The following MOXD1 variants were observed in gnomAD, a reference collection of about 807,000 sequenced individuals.
The protein encoded by MOXD1 is monooxygenase DBH like 1.
In MOXD1, 62 loss-of-function variants were observed where a neutral mutation model predicts 66.6. That is an observed-to-expected ratio of 0.93 (90% CI 0.76 to 1.15). The LOEUF (loss-of-function observed/expected upper bound fraction) is 1.15, where lower values mean the gene tolerates loss of function less well. MOXD1 is among the 50% of genes most tolerant of loss of function. The pLI is 0.00. For missense variants in MOXD1, 847 were observed against 754.6 expected, an observed-to-expected ratio of 1.12 and a Z score of -1.44; for synonymous variants, 303 against 281.9, an observed-to-expected ratio of 1.07 and a Z score of -0.75.
chr6:132,361,591 G>C (rs1353880416), intron 4 of MOXD1, among the ~76,000 whole-genome samples: 1 of 152,038 alleles, frequency 6.6e-6, no homozygotes, highest in African/African-American at 2.4e-5. Context: ...ATATAAAACA[G>C]TTATTTTCAA....
chr6:132,381,534 G>C (rs868366459), intron 1 of MOXD1, among the ~76,000 whole-genome samples: 13 of 152,124 alleles, frequency 8.5e-5, no homozygotes, highest in African/African-American at 2.9e-4. Flanking sequence ...AAAGAAAAGA[G>C]GGAAATAGAA....
At chr6:132,346,232 C>A (rs923784012) in intron 4 of MOXD1, among the ~76,000 whole-genome samples, 1 of 151,948 alleles carries the variant, frequency 6.6e-6, no homozygotes, top group African/African-American at 2.4e-5. Flanking sequence ...ATAAAAATAA[C>A]CAATTTAAAT....
At chr6:132,398,935 C>CAAA (rs150318811) in intron 1 of MOXD1, among the ~76,000 whole-genome samples, 156 of 74,710 alleles carry the variant, frequency 2.1e-3, no homozygotes, top group African/African-American at 4.2e-3. Flanking sequence ...GAGACTTTGT[C>CAAA]AAAAAAAAAA....
At chr6:132,303,807 ATG>A (rs768465608) in intron 10 of MOXD1, among the ~76,000 whole-genome samples, 855 of 47,716 alleles carry the variant, frequency 0.018, 16 homozygotes, top group Admixed American at 0.041. Flanking sequence ...ATACACACAC[ATG>A]TGTGTGTGTG....
At chr6:132,399,138 T>G (rs926198815) in intron 1 of MOXD1, among the ~76,000 whole-genome samples, 1 of 152,120 alleles carries the variant, frequency 6.6e-6, no homozygotes, top group Non-Finnish European at 1.5e-5. Flanking sequence ...TTATTTGGTG[T>G]ATTTCATCTT....
Position 132,297,113 on chromosome 6 carries a change from C to A in MOXD1, c.*40G>T. ...TAACCTGTACTTCAAATGACAGGTTCAGATCATAGAAAACATTGTCAAGTC... is the reference window on the plus strand; with the variant it reads ...TAACCTGTACTTCAAATGACAGGTTAAGATCATAGAAAACATTGTCAAGTC... On this transcript the variant is annotated 3_prime_UTR_variant, in exon 12 of 12. Transcript: ENST00000367963. The A allele has an allele frequency of 2.5e-6, 4 of 1,599,526 alleles. No homozygotes were observed. Among genetic ancestry groups the A allele is most frequent in the Non-Finnish European group, 3.4e-6 (4 of 1,169,358 alleles).
chr6:132,388,192 T>C lies in MOXD1; in HGVS notation c.264+12971A>G, dbSNP rs1776690211. Among the ~76,000 whole-genome samples the C allele has an allele frequency of 1.3e-5, 2 of 151,450 alleles. 1 individual carries two copies. Among genetic ancestry groups the C allele is most frequent in the Admixed American group, 1.3e-4 (2 of 15,120 alleles). ...GCGATTGATTCATTATATCTTGTAT[T>C]TATTAAGTGTTTTCAGTGTGTCACA... is the stretch of plus-strand genomic sequence containing the variant. On this transcript the variant is annotated intron_variant, in intron 1 of 11. Coordinates refer to ENST00000367963, the MANE Select transcript of MOXD1 (RefSeq NM_015529.4).
At chr6:132,344,248 C>A (rs983547779) in intron 4 of MOXD1, among the ~76,000 whole-genome samples, 1 of 152,180 alleles carries the variant, frequency 6.6e-6, no homozygotes, top group Non-Finnish European at 1.5e-5. Context: ...TGCTTACTAA[C>A]TGAATGGCCC....
At chr6:132,338,042 T>C (rs9493289) in intron 4 of MOXD1, among the ~76,000 whole-genome samples, 3,062 of 152,248 alleles carry the variant, frequency 0.02, 121 homozygotes, top group African/African-American at 0.068. Context: ...CCAGCTCTAG[T>C]CTATGTACAG....
chr6:132,311,535 A>C (rs1774830611), intron 10 of MOXD1, among the ~76,000 whole-genome samples: 1 of 151,972 alleles, frequency 6.6e-6, no homozygotes, highest in Admixed American at 6.6e-5. Flanking sequence ...TAACAACTTG[A>C]TGATTTTATG....
intron 1 of MOXD1, among the ~76,000 whole-genome samples, chr6:132,399,512 C>T (rs747939073): frequency 1.3e-5 from 2 of 152,180 alleles, no homozygotes; most frequent in Non-Finnish European, 1.5e-5. Context: ...AGGGTGAAAA[C>T]ACTGTAGTTT....
chr6:132,313,452 G>A (rs1774874227), intron 10 of MOXD1, among the ~76,000 whole-genome samples: 1 of 152,136 alleles, frequency 6.6e-6, no homozygotes, highest in East Asian at 1.9e-4. Flanking sequence ...ACCTATCTAT[G>A]AATCATAAAT....
chr6:132,368,128 G>A (rs922899539), intron 4 of MOXD1, among the ~76,000 whole-genome samples: 6 of 152,016 alleles, frequency 3.9e-5, no homozygotes, highest in Non-Finnish European at 7.4e-5. Context: ...AAAAAGCAGC[G>A]TGTTAAGCCA....
At chr6:132,387,962 T>G (rs1191813392) in intron 1 of MOXD1, among the ~76,000 whole-genome samples, 1 of 151,188 alleles carries the variant, frequency 6.6e-6, no homozygotes, top group Non-Finnish European at 1.5e-5. Flanking sequence ...CTTGTATAAT[T>G]TGTGTACTGA....
At position 132,296,513 on chromosome 6, in the gene MOXD1, G is replaced by A. The variant is rs986200983; in HGVS notation, c.*640C>T. On this transcript the variant is annotated 3_prime_UTR_variant, in exon 12 of 12. Transcript: ENST00000367963. The stretch of plus-strand genomic sequence containing the variant: ...AAACTCATCTGGCCAGTACTAAACA[G>A]GGAAGGTGAAAAAAAGTACTTTAAG... The A allele has an allele frequency of 6.6e-6, 1 of 152,152 alleles. No individual in the cohort carries two copies. Among genetic ancestry groups the A allele is most frequent in the Non-Finnish European group, 1.5e-5 (1 of 68,042 alleles). The allele number at this position is 152,152 out of a possible 1,614,324, so 9.4% of individuals were successfully genotyped here. A position where few individuals can be genotyped will look rare whatever the true frequency, so the allele number is the denominator to read the frequency against.
At chr6:132,360,423 C>T (rs766535555) in intron 4 of MOXD1, among the ~76,000 whole-genome samples, 5 of 152,146 alleles carry the variant, frequency 3.3e-5, no homozygotes, top group Non-Finnish European at 5.9e-5. Context: ...TGGTTCTTAT[C>T]ATCTAATTTT....
intron 6 of MOXD1, among the ~76,000 whole-genome samples, chr6:132,325,854 C>T (rs140938962): frequency 1.3e-3 from 202 of 152,312 alleles, no homozygotes; most frequent in African/African-American, 4.7e-3. Flanking sequence ...GGTCACACAT[C>T]TACCAGGGTT....
intron 10 of MOXD1, among the ~76,000 whole-genome samples, chr6:132,300,191 A>G (rs1250239223): frequency 6.6e-6 from 1 of 152,170 alleles, no homozygotes; most frequent in Non-Finnish European, 1.5e-5. Flanking sequence ...ATAAAGTAAG[A>G]GCAATCAGCA....
At chr6:132,330,298 C>G (rs1775289187) in intron 4 of MOXD1, among the ~76,000 whole-genome samples, 1 of 152,196 alleles carries the variant, frequency 6.6e-6, no homozygotes, top group African/African-American at 2.4e-5. Context: ...CTCCTGAGAT[C>G]CACCTCCTGT....
Sources: gnomAD v4.1 joint callset for allele counts (sites outside exome capture counted in the v4.1 genomes callset) on GRCh38, gnomAD v4.1.1 for gene constraint, MANE v1.5 for transcripts, NCBI Gene and HGNC (gene_info 2026-07-23, HGNC 2026-07-21) for gene names.